Variants in USP49 observed in about 807,000 individuals in gnomAD.
USP49 encodes the protein ubiquitin carboxyl-terminal hydrolase 49.
Under a neutral mutation model 58.6 loss-of-function variants are expected in USP49, and 24 were observed. The observed-to-expected ratio is 0.41, with a 90% CI of 0.30 to 0.58. The LOEUF is 0.58. Ranked by LOEUF, USP49 falls within the 20% of genes least tolerant of loss-of-function variation. The pLI, the probability that USP49 is intolerant of heterozygous loss-of-function variation, is 0.30. For synonymous variants in USP49, 408 were observed against 365.1 expected (o/e 1.12, Z -1.34); for missense variants, 703 against 866.1 (o/e 0.81, Z 2.36).
Position 41,810,108 on chromosome 6 carries a change from C to T in USP49, c.-28-3097G>A, listed in dbSNP as rs1387720353. 2.6e-5 allele frequency among the ~76,000 whole-genome samples: 4 copies of T among 151,006 alleles called. No individual in the cohort carries two copies. The East Asian group carries it at 5.9e-4, about 22-fold the overall frequency. ...CGGAGCTTGCAGTGAGCCGAGATCG[C>T]GCCACTGCACTTCAGCCTGGGCGAC... is the stretch of plus-strand genomic sequence containing the variant. On this transcript the variant is annotated intron_variant, in intron 3 of 7. Transcript: ENST00000682992.
rs1253206343 is a variant in USP49, at chr6:41,883,648, A to T, written c.-103+8146T>A. Among the ~76,000 whole-genome samples, 55 of 150,618 alleles carry T rather than the reference A, an allele frequency of 3.7e-4. 1 individual carries two copies. The highest frequency in any genetic ancestry group is 3.6e-3 in the Admixed American group (55 of 15,136). Reference sequence around the variant, plus strand: ...AAAATAAATAAATAAATAAATAAATAAAATAAAAATTAAAATGAGACATTA... The same window carrying T: ...AAAATAAATAAATAAATAAATAAATTAAATAAAAATTAAAATGAGACATTA... On this transcript the variant is annotated intron_variant, in intron 2 of 7. Coordinates refer to ENST00000682992, the MANE Select transcript of USP49 (RefSeq NM_001286554.2).
intron 4 of USP49, among the ~76,000 whole-genome samples, chr6:41,805,161 G>C (rs1456246865): frequency 6.6e-6 from 1 of 152,140 alleles, no homozygotes; most frequent in Non-Finnish European, 1.5e-5. Context: ...AAAGGTAATG[G>C]GGAACAGGAA....
chr6:41,826,839 C>A (rs574044135), intron 3 of USP49, among the ~76,000 whole-genome samples: 1 of 152,240 alleles, frequency 6.6e-6, no homozygotes, highest in East Asian at 1.9e-4. Flanking sequence ...ACTGCCTGAC[C>A]ACAAATTGAA....
At chr6:41,867,439 C>T (rs1296246707) in intron 3 of USP49, among the ~76,000 whole-genome samples, 7 of 152,074 alleles carry the variant, frequency 4.6e-5, no homozygotes. Context: ...CAACTCTAAT[C>T]CTTTCTAAAC....
chr6:41,848,854 T>TAA (rs80133968), intron 3 of USP49, among the ~76,000 whole-genome samples: 4 of 132,748 alleles, frequency 3.0e-5, no homozygotes, highest in Admixed American at 7.7e-5. Context: ...AGACACCGTC[T>TAA]AAAAAAAAAA....
At chr6:41,831,162 C>T (rs780850982) in intron 3 of USP49, among the ~76,000 whole-genome samples, 2 of 151,992 alleles carry the variant, frequency 1.3e-5, no homozygotes, top group Non-Finnish European at 2.9e-5. Context: ...GAGGCTGAGG[C>T]GGGCAGATCA....
chr6:41,797,031 G>A (rs1358085097), intron 7 of USP49, among the ~76,000 whole-genome samples: 4 of 147,350 alleles, frequency 2.7e-5, no homozygotes, highest in African/African-American at 7.6e-5. Flanking sequence ...CTCACTGCAA[G>A]CTCCACCTCC....
intron 3 of USP49, among the ~76,000 whole-genome samples, chr6:41,824,899 A>G (rs1220041988): frequency 6.6e-6 from 1 of 152,230 alleles, no homozygotes; most frequent in Non-Finnish European, 1.5e-5. Context: ...TAAGGCATAG[A>G]AGGCATTTCA....
At chr6:41,879,495 A>G (rs1019023799) in intron 2 of USP49, among the ~76,000 whole-genome samples, 4 of 152,172 alleles carry the variant, frequency 2.6e-5, no homozygotes, top group Non-Finnish European at 5.9e-5. Flanking sequence ...AGAAAAACTC[A>G]AAGTGCCTCT....
Position 41,806,105 on chromosome 6 carries a change from A to T in USP49, c.879T>A (p.Phe293Leu). ...GAGTCTTCCCGTTGGTGGCTTTGGG[A>T]AACAGATGTTCCGTTTTGGAAGGGT... ...NLDPSKTEHL[F>L]PKATNGKTQL... The change falls in exon 4 of 8, where the codon TTT becomes TTA. Residue 293 changes from phenylalanine to leucine, a missense_variant. Transcript: ENST00000682992. The surrounding 1 kb of genome is among the most constrained non-coding windows in gnomAD (Gnocchi z 5.9). The T allele has an allele frequency of 1.9e-6, 3 of 1,613,958 alleles. No individual in the cohort carries two copies. Among genetic ancestry groups the T allele is most frequent in the Non-Finnish European group, 2.5e-6 (3 of 1,180,030 alleles).
At chr6:41,857,250 A>G (rs1221805417) in intron 3 of USP49, among the ~76,000 whole-genome samples, 1 of 152,238 alleles carries the variant, frequency 6.6e-6, no homozygotes, top group Non-Finnish European at 1.5e-5. Flanking sequence ...ATAAAACTGG[A>G]AGTAAAGGGA....
At chr6:41,809,217 C>A (rs1773199612) in intron 3 of USP49, among the ~76,000 whole-genome samples, 1 of 122,006 alleles carries the variant, frequency 8.2e-6, no homozygotes. Context: ...GGCCTAGTCT[C>A]TTTAAAATTA....
chr6:41,873,032 A>C (rs996399787), intron 2 of USP49: 12 of 152,312 alleles, frequency 7.9e-5, no homozygotes, highest in African/African-American at 2.7e-4. Context: ...TTGTCAAGAA[A>C]GGGAAATTGC....
In USP49 at chr6:41,806,023, T is replaced by G; in HGVS notation, c.961A>C (p.Arg321=). The stretch of plus-strand genomic sequence containing the variant: ...CCCTCCCGCTCGCATGCCTCGGCCC[T>G]GTCATTTCTCAAGGACAGCTCCGTG... ...SATELSLRND[R]AEACEREGFC... Residue 321 remains arginine, a synonymous_variant, in exon 4 of 8, where the codon AGG becomes CGG. Transcript: ENST00000682992. This position sits in a 1 kb window ranked among gnomAD's most constrained non-coding sequence, Gnocchi z 5.9. 6.2e-7 allele frequency: 1 copy of G among 1,613,984 alleles called. No individual in the cohort carries two copies. The highest frequency in any genetic ancestry group is 8.5e-7 in the Non-Finnish European group (1 of 1,180,032).
At chr6:41,865,941 T>A (rs1245110851) in intron 3 of USP49, among the ~76,000 whole-genome samples, 1 of 106,360 alleles carries the variant, frequency 9.4e-6, no homozygotes, top group Non-Finnish European at 2.0e-5. Flanking sequence ...TTTTTTTTTT[T>A]AGACAGAGTC....
chr6:41,806,371 G>A lies in USP49; in HGVS notation c.613C>T (p.Pro205Ser), dbSNP rs1309187427. The change falls in exon 4 of 8, where the codon CCG becomes TCG. Residue 205 changes from proline to serine, a missense_variant. Transcript: ENST00000682992. The surrounding 1 kb of genome is among the most constrained non-coding windows in gnomAD (Gnocchi z 5.9). ...RLLEELASTP[P>S]RKSARLLLHT... ...AGGAGCAGCCGTGCACTCTTGCGCG[G>A]AGGGGTGCTGGCCAGCTCCTCCAGC... is the stretch of plus-strand genomic sequence containing the variant. 1.3e-6 allele frequency: 2 copies of A among 1,539,042 alleles called. No individual in the cohort carries two copies. The highest frequency in any genetic ancestry group is 1.7e-6 in the Non-Finnish European group (2 of 1,153,466).
chr6:41,871,727 C>A (rs1223867703), intron 2 of USP49, 90 bp from the exon 3 acceptor site: 3 of 151,852 alleles, frequency 2.0e-5, no homozygotes, highest in African/African-American at 7.3e-5. Flanking sequence ...CAAAAAAGGA[C>A]CAGTAAATTA....
chr6:41,805,353 T>G (rs934663968), intron 4 of USP49, among the ~76,000 whole-genome samples: 4 of 152,168 alleles, frequency 2.6e-5, no homozygotes, highest in Non-Finnish European at 5.9e-5. Context: ...GAATATTATA[T>G]TACCCCTATC....
At chr6:41,865,290 C>T (rs1432929686) in intron 3 of USP49, among the ~76,000 whole-genome samples, 1 of 152,038 alleles carries the variant, frequency 6.6e-6, no homozygotes, top group African/African-American at 2.4e-5. Context: ...GGTGATCCAC[C>T]CAACTTGGCC....
Sources: gnomAD v4.1 joint callset for allele counts (sites outside exome capture counted in the v4.1 genomes callset) on GRCh38, gnomAD v4.1.1 for gene constraint, Gnocchi (gnomAD v3.1) non-coding constraint, MANE v1.5 for transcripts, NCBI Gene and HGNC (gene_info 2026-07-23, HGNC 2026-07-21) for gene names.